Variants in SAGE1 observed in about 807,000 individuals in gnomAD.
The protein encoded by SAGE1 is sarcoma antigen 1.
Under a neutral mutation model 55.4 loss-of-function variants are expected in SAGE1, and 55 were observed. The ratio of observed to expected loss-of-function variants is 0.99; its 90% CI spans 0.80 to 1.24. SAGE1 has a LOEUF of 1.24. Among genes scored for constraint, SAGE1 ranks in the 50% most tolerant of loss-of-function variants. SAGE1 has a pLI of 0.00. For synonymous variants in SAGE1, 240 were observed against 244.3 expected, an observed-to-expected ratio of 0.98 and a Z score of 0.17; for missense variants, 710 against 704.4, an observed-to-expected ratio of 1.01 and a Z score of -0.09.
chrX:135,898,180 G>A (rs1331894625), intron 2 of SAGE1, among the ~76,000 whole-genome samples: 7 of 110,634 alleles, frequency 6.3e-5, no homozygotes, highest in Admixed American at 2.9e-4. Context: ...ACCACACCTG[G>A]CTAATTTTTT....
chrX:135,898,352 C>T (rs1419324036), intron 2 of SAGE1, among the ~76,000 whole-genome samples: 9 of 112,540 alleles, frequency 8.0e-5, no homozygotes, highest in Middle Eastern at 4.6e-3. Context: ...CATAGTATTC[C>T]GTGGTGTATA....
chrX:135,911,321 C>T lies in SAGE1; in HGVS notation c.2135C>T (p.Thr712Ile), dbSNP rs191345675. Residue 712 changes from threonine to isoleucine, a missense_variant, in exon 17 of 20, where the codon ACC (threonine) becomes ATC (isoleucine). Thr to Ile is a moderately conservative substitution (Grantham distance 89, BLOSUM62 -1). Coordinates refer to ENST00000370709, the MANE Select transcript of SAGE1 (RefSeq NM_001381902.1). ...GGAGCTGGTATTTCATGCAGAAGTA[C>T]CAGGGATCTGTGTATGTTTGTGTAT... Reference protein sequence around the residue: ...LSGAGISCRSTRDLYATVIHD... With the variant: ...LSGAGISCRSIRDLYATVIHD... 8.4e-5 allele frequency: 101 copies of T among 1,207,140 alleles called. No individual in the cohort carries two copies. Among genetic ancestry groups the T allele is most frequent in the Admixed American group, 1.5e-4 (7 of 45,600 alleles).
intron 19 of SAGE1, 81 bp from the exon 20 acceptor site, chrX:135,912,717 T>C: frequency 8.7e-7 from 1 of 1,146,186 alleles, no homozygotes; most frequent in Non-Finnish European, 1.2e-6. Flanking sequence ...TGGTAAATTC[T>C]ATTTTGTATC....
intron 1 of SAGE1, among the ~76,000 whole-genome samples, 93 bp downstream of exon 1, chrX:135,893,874 T>C (rs1167869789): frequency 8.9e-6 from 1 of 111,986 alleles, no homozygotes; most frequent in Non-Finnish European, 1.9e-5. Context: ...TGAAGTAGTG[T>C]TCCTCCGTTA....
At chrX:135,902,807 T>G (rs1259965664) in intron 3 of SAGE1, among the ~76,000 whole-genome samples, 3 of 112,058 alleles carry the variant, frequency 2.7e-5, no homozygotes, top group Admixed American at 9.5e-5. Flanking sequence ...AGATGCCCAG[T>G]ATAAATTCTG....
At position 135,910,508 on chromosome X, in the gene SAGE1, G is replaced by A. The variant is rs139744161; in HGVS notation, c.1958G>A (p.Arg653His). Residue 653 changes from arginine (R) to histidine (H), a missense_variant, in exon 16 of 20, where the codon CGT becomes CAT. By Grantham distance (29) the Arg-to-His change is conservative. Transcript: ENST00000370709. ...TTGTCAACTGCTCCTCCATGGCTTC[G>A]TCATATGGCAGCAGCTGGAATTTCA... is the stretch of plus-strand genomic sequence containing the variant. ...NILSTAPPWL[R>H]HMAAAGISST... 46 of 1,208,640 alleles carry A rather than the reference G, an allele frequency of 3.8e-5. No homozygotes were observed. Among genetic ancestry groups the A allele is most frequent in the Non-Finnish European group, 4.6e-5 (41 of 894,157 alleles).
At chrX:135,907,564 G>A (rs2088818784) in intron 9 of SAGE1, 111 bp downstream of exon 9, 1 of 975,431 alleles carries the variant, frequency 1.0e-6, no homozygotes, top group Non-Finnish European at 1.4e-6. Context: ...CTCAATCTGA[G>A]GTGTCTCAGA....
intron 6 of SAGE1, 110 bp downstream of exon 6, chrX:135,906,274 A>C (rs2088787334): frequency 9.4e-7 from 1 of 1,066,249 alleles, no homozygotes. Flanking sequence ...CCTAAATCTG[A>C]GGGGTCTCAC....
rs2088821395 is a variant in SAGE1 at position 135,907,721 on chromosome X, G to A, written c.1039G>A (p.Val347Ile). The change falls in exon 10 of 20, where the codon GTC (valine) becomes ATC (isoleucine). Residue 347 changes from valine (V) to isoleucine (I), a missense_variant. Transcript: ENST00000370709. ...TCCAGATGCTACCATCACTCACAAT[G>A]TCTGTGAAGAGAGAGTGGTAAATAA... ...RDQYATITHN[V>I]CEERVVNNQP... 1 of 1,206,167 alleles carries A rather than the reference G, an allele frequency of 8.3e-7. No individual in the cohort carries two copies. Among genetic ancestry groups the A allele is most frequent in the African/African-American group, 1.8e-5 (1 of 56,684 alleles).
chrX:135,907,766 G>A lies in SAGE1; in HGVS notation c.1084G>A (p.Ala362Thr), dbSNP rs782737930. 1.2e-5 allele frequency: 14 copies of A among 1,206,637 alleles called. No individual in the cohort carries two copies. The highest frequency in any genetic ancestry group is 2.2e-5 in the Admixed American group (1 of 45,648). The change falls in exon 10 of 20, where the codon GCC (alanine) becomes ACC (threonine). Residue 362 changes from alanine (A) to threonine (T), a missense_variant. By Grantham distance (58) the Ala-to-Thr change is moderately conservative. Coordinates refer to ENST00000370709, the MANE Select transcript of SAGE1 (RefSeq NM_001381902.1). ...AAATAACCAACCACTACCTAGTAAC[G>A]CCTTGTCAACTGTTCTACCAGGGCT... ...VVNNQPLPSN[A>T]LSTVLPGLAY... is the part of the protein sequence containing the mutation.
chrX:135,895,765 G>C (rs1556593142), intron 1 of SAGE1, among the ~76,000 whole-genome samples: 1 of 111,329 alleles, frequency 9.0e-6, no homozygotes, highest in Non-Finnish European at 1.9e-5. Context: ...AGGATAACTA[G>C]AACAGTGTAT....
Position 135,910,498 on chromosome X carries a change from C to T in SAGE1, c.1948C>T (p.Pro650Ser), listed in dbSNP as rs781817887. 1 of 1,210,372 alleles carries T rather than the reference C, an allele frequency of 8.3e-7. No individual in the cohort carries two copies. The highest frequency in any genetic ancestry group is 1.1e-6 in the Non-Finnish European group (1 of 894,195). Residue 650 changes from proline (P) to serine (S), a missense_variant, in exon 16 of 20, where the codon CCA becomes TCA. By Grantham distance (74) the Pro-to-Ser change is moderately conservative. Coordinates refer to ENST00000370709, the MANE Select transcript of SAGE1 (RefSeq NM_001381902.1). ...APGNILSTAP[P>S]WLRHMAAAGI... is the part of the protein sequence containing the mutation. ...TGGTAACATCTTGTCAACTGCTCCT[C>T]CATGGCTTCGTCATATGGCAGCAGC...
intron 2 of SAGE1, among the ~76,000 whole-genome samples, chrX:135,898,297 G>C (rs1242075759): frequency 8.9e-6 from 1 of 112,137 alleles, no homozygotes; most frequent in Non-Finnish European, 1.9e-5. Flanking sequence ...GGGATTACAG[G>C]CGTGAGCCAC....
At chrX:135,909,162 A>T (rs1387035914) in intron 13 of SAGE1, among the ~76,000 whole-genome samples, 158 bp downstream of exon 13, 1 of 111,462 alleles carries the variant, frequency 9.0e-6, no homozygotes, top group Non-Finnish European at 1.9e-5. Flanking sequence ...TTCTTAGATA[A>T]TTTCCTAGAA....
intron 1 of SAGE1, 122 bp from the exon 2 acceptor site, chrX:135,896,121 T>G (rs1277712598): frequency 1.9e-5 from 9 of 485,935 alleles, no homozygotes; most frequent in Non-Finnish European, 3.3e-5. Context: ...TCTGTGATCA[T>G]GTACTCTCAA....
At chrX:135,896,814 C>T (rs1332440488) in intron 2 of SAGE1, among the ~76,000 whole-genome samples, 4 of 111,270 alleles carry the variant, frequency 3.6e-5, no homozygotes, top group African/African-American at 1.3e-4. Flanking sequence ...CCCACCTCGC[C>T]TCCCAAAGTG....
In SAGE1 at chrX:135,908,522, G is replaced by A. The variant is rs782054017; in HGVS notation, c.1346G>A (p.Gly449Asp). 21 of 1,207,734 alleles carry A rather than the reference G, an allele frequency of 1.7e-5. 1 individual carries two copies. In the South Asian group the frequency reaches 3.6e-4, roughly 20 times the overall value. Residue 449 changes from glycine (G) to aspartate (D), a missense_variant, in exon 12 of 20, where the codon GGC (glycine) becomes GAC (aspartate). Gly to Asp is a moderately conservative substitution (Grantham distance 94). Coordinates refer to ENST00000370709, the MANE Select transcript of SAGE1 (RefSeq NM_001381902.1). ...GTCCATGAAGCAAGGATGGAAAATGGCCAACGAAAACAGGATAACGTCTTG... is the reference window on the plus strand; with the variant it reads ...GTCCATGAAGCAAGGATGGAAAATGACCAACGAAAACAGGATAACGTCTTG... ...HHVHEARMEN[G>D]QRKQDNVLSN...
chrX:135,905,309 CT>C lies in SAGE1; in HGVS notation c.372del (p.Asp125ThrfsTer22), dbSNP rs1556599850. ...EERMENGQSR[T>X]DKVLSTAPPQ... The stretch of plus-strand genomic sequence containing the variant: ...AGGATGGAAAATGGCCAATCTCGAA[CT>C]GACAAAGTCTTGTCAACTGCTCCAC... On this transcript the variant is annotated frameshift_variant, in exon 5 of 20. Coordinates refer to ENST00000370709, the MANE Select transcript of SAGE1 (RefSeq NM_001381902.1). LOFTEE classifies it high-confidence loss of function. 8.3e-7 allele frequency: 1 copy of C among 1,206,770 alleles called. No homozygotes were observed. The highest frequency in any genetic ancestry group is 2.2e-5 in the Admixed American group (1 of 45,986).
chrX:135,910,267 G>A (rs2088872117), intron 15 of SAGE1, 97 bp downstream of exon 15: 1 of 1,047,818 alleles, frequency 9.5e-7, no homozygotes, highest in Non-Finnish European at 1.3e-6. Context: ...TACCTTTTCA[G>A]GCCTCAATTT....
Sources: allele counts gnomAD v4.1 joint callset (sites outside exome capture counted in the v4.1 genomes callset), GRCh38; gene constraint gnomAD v4.1.1; transcripts MANE v1.5; gene names NCBI Gene and HGNC (gene_info 2026-07-23, HGNC 2026-07-21).